TTC6: variants seen among roughly 807,000 people sequenced by gnomAD.
The protein encoded by TTC6 is tetratricopeptide repeat protein 6.
Under a neutral mutation model 210.4 loss-of-function variants are expected in TTC6, and 172 were observed. That is an observed-to-expected ratio of 0.82 (90% confidence interval 0.72 to 0.93). The LOEUF is 0.93. TTC6 is among the 40% of genes least tolerant of loss of function. The probability of loss-of-function intolerance (pLI) is 0.00; values close to 1 mark genes in which losing one functional copy is unlikely to be tolerated. For synonymous variants in TTC6, 804 were observed against 819.6 expected (o/e 0.98, Z 0.32); for missense variants, 2,414 against 2,318.1 (o/e 1.04, Z -0.85).
chr14:37,748,650 G>A (rs2095943021), intron 10 of TTC6, among the ~76,000 whole-genome samples: 2 of 151,924 alleles, frequency 1.3e-5, no homozygotes, highest in African/African-American at 2.4e-5. Context: ...TCTGGTGGCT[G>A]GTATTGTAGA....
chr14:37,647,699 G>A lies in TTC6; in HGVS notation c.939+24696G>A, dbSNP rs78020567. On this transcript the variant is annotated intron_variant, in intron 1 of 30. Transcript: ENST00000553443. ...GTGGCAGGTTAGGGTTAGAGGGATG[G>A]GAAGTCATCAGTGATCAGATGGTAT... is the stretch of plus-strand genomic sequence containing the variant. Among the ~76,000 whole-genome samples, 143 of 152,160 alleles carry A rather than the reference G, an allele frequency of 9.4e-4. 1 individual carries two copies. In the East Asian group the frequency reaches 0.025, roughly 27 times the overall value.
At chr14:37,735,266 A>G (rs1437932829) in intron 7 of TTC6, among the ~76,000 whole-genome samples, 2 of 152,166 alleles carry the variant, frequency 1.3e-5, no homozygotes, top group Non-Finnish European at 2.9e-5. Context: ...AGTGTTTGAG[A>G]CCTAACAATT....
At chr14:37,651,403 ATATATATATATATATATATATAT>A (rs1186561453) in intron 1 of TTC6, among the ~76,000 whole-genome samples, 4 of 14,346 alleles carry the variant, frequency 2.8e-4, no homozygotes, top group African/African-American at 1.1e-3. Flanking sequence ...ATATATATAT[ATATATATATATATATATATATAT>A]TTTTTTTTTT....
Position 37,703,059 on chromosome 14 carries a change from A to G in TTC6, c.1571+1533A>G, listed in dbSNP as rs990248063. ...TGTCTCCAATAGAAAATAGCAGTTC[A>G]GCATGACATTCTTTGGAATATATGT... On this transcript the variant is annotated intron_variant, in intron 5 of 30. Coordinates refer to ENST00000553443, the Ensembl canonical transcript of TTC6. 1.3e-5 allele frequency among the ~76,000 whole-genome samples: 2 copies of G among 152,238 alleles called. 1 individual carries two copies.
intron 1 of TTC6, among the ~76,000 whole-genome samples, chr14:37,602,419 G>A (rs2095617399): frequency 6.6e-6 from 1 of 152,198 alleles, no homozygotes; most frequent in South Asian, 2.1e-4. Flanking sequence ...TTGTGGCAAG[G>A]TAATAACTGG....
At chr14:37,826,290 C>T (rs2096171340) in exon 28 of TTC6, 2 of 1,612,406 alleles carry the variant, frequency 1.2e-6, no homozygotes, top group African/African-American at 2.7e-5. Context: ...GAGCTGTGGT[C>T]TGTCTTCAGA....
At chr14:37,835,912 TTA>T (rs2096196831) in intron 29 of TTC6, among the ~76,000 whole-genome samples, 1 of 151,898 alleles carries the variant, frequency 6.6e-6, no homozygotes, top group South Asian at 2.1e-4. Context: ...CTGTAAGCTG[TTA>T]AGGGGCAGGA....
chr14:37,731,189 C>T (rs1047483162), intron 7 of TTC6, among the ~76,000 whole-genome samples: 1 of 152,118 alleles, frequency 6.6e-6, no homozygotes, highest in Non-Finnish European at 1.5e-5. Context: ...GCTTTATGGG[C>T]TTTTCTGTTT....
intron 5 of TTC6, among the ~76,000 whole-genome samples, chr14:37,711,339 A>G (rs569789498): frequency 1.2e-4 from 19 of 152,328 alleles, no homozygotes; most frequent in Non-Finnish European, 2.4e-4. Context: ...AATAGAATGC[A>G]GTATATTGTG....
At chr14:37,779,430 G>C (rs1430695910) in intron 14 of TTC6, among the ~76,000 whole-genome samples, 2 of 152,042 alleles carry the variant, frequency 1.3e-5, no homozygotes, top group Non-Finnish European at 1.5e-5. Flanking sequence ...ATACTTTTAG[G>C]TGGATCATTT....
At chr14:37,824,327 C>T (rs969066793) in intron 27 of TTC6, among the ~76,000 whole-genome samples, 2 of 152,164 alleles carry the variant, frequency 1.3e-5, no homozygotes, top group Admixed American at 1.3e-4. Context: ...ACCTAGGCCC[C>T]ACAGGTTTTG....
At chr14:37,748,423 C>T (rs1037692404) in intron 10 of TTC6, among the ~76,000 whole-genome samples, 4 of 152,270 alleles carry the variant, frequency 2.6e-5, no homozygotes, top group Admixed American at 2.6e-4. Context: ...TTTGAGAAGG[C>T]TAATCCTAGA....
At chr14:37,748,861 G>A (rs752648958) in intron 10 of TTC6, 78 bp from the exon 13 acceptor site, 5 of 1,136,820 alleles carry the variant, frequency 4.4e-6, no homozygotes, top group South Asian at 1.9e-5. Flanking sequence ...GTAGTTTTAT[G>A]TGTGGCTGAG....
At chr14:37,682,877 A>G in exon 3 of TTC6, 2 of 1,535,724 alleles carry the variant, frequency 1.3e-6, no homozygotes, top group East Asian at 2.4e-5. Context: ...AAATTTCGCA[A>G]GTTCAGCCAG....
In TTC6 at chr14:37,736,018, C is replaced by G. The variant is rs776808006; in HGVS notation, c.1908+8C>G. 1.4e-6 allele frequency: 2 copies of G among 1,445,948 alleles called. No homozygotes were observed. The highest frequency in any genetic ancestry group is 4.0e-5 in the Admixed American group (2 of 49,810). 89.6% of individuals were successfully genotyped at this position (1,445,948 alleles called of 1,614,324 possible). A position where few individuals can be genotyped will look rare whatever the true frequency, so the allele number is the denominator to read the frequency against. ...AGCAGAACAAATTTTTGGGTATGTA[C>G]AATTTTTGTTCTTAATTAGGATTGT... is the stretch of plus-strand genomic sequence containing the variant. On this transcript the variant is annotated splice_region_variant and intron_variant, in intron 8 of 30. Coordinates refer to ENST00000553443, the Ensembl canonical transcript of TTC6.
chr14:37,620,225 A>T (rs577067417), upstream of TTC6, among the ~76,000 whole-genome samples: 19 of 152,306 alleles, frequency 1.2e-4, no homozygotes, highest in Admixed American at 1.0e-3. Flanking sequence ...ATATATATAT[A>T]TTTTAAATTC....
chr14:37,647,159 T>TAG (rs1246351775), intron 1 of TTC6, among the ~76,000 whole-genome samples: 4 of 152,208 alleles, frequency 2.6e-5, no homozygotes, highest in African/African-American at 9.6e-5. Context: ...CACTGATGTG[T>TAG]AGAGTCTTGT....
At chr14:37,682,626 C>G (rs2138560212) in intron 2 of TTC6, 132 bp from the exon 5 acceptor site, 1 of 740,048 alleles carries the variant, frequency 1.4e-6, no homozygotes, top group Non-Finnish European at 2.1e-6. Context: ...TCAGAGGAAA[C>G]TCATCACCTA....
chr14:37,662,532 T>G (rs1453281853), intron 1 of TTC6, among the ~76,000 whole-genome samples: 2 of 152,166 alleles, frequency 1.3e-5, no homozygotes, highest in East Asian at 3.9e-4. Flanking sequence ...AGGGTTTTTA[T>G]AGTTTTGGAT....
Sources: gnomAD v4.1 joint callset for allele counts (sites outside exome capture counted in the v4.1 genomes callset) on GRCh38, gnomAD v4.1.1 for gene constraint, MANE v1.5 for transcripts, NCBI Gene and HGNC (gene_info 2026-07-23, HGNC 2026-07-21) for gene names.